The following RIMS1 variants were observed in gnomAD, a reference collection of about 807,000 sequenced individuals.
RIMS1 encodes regulating synaptic membrane exocytosis protein 1.
RIMS1 carries 83 observed loss-of-function variants against 214.1 expected under a neutral mutation model. That is an observed-to-expected ratio of 0.39 (90% CI 0.32 to 0.47). The LOEUF (loss-of-function observed/expected upper bound fraction) is 0.47. RIMS1 is among the 20% of genes least tolerant of loss of function. The probability of loss-of-function intolerance (pLI) is 0.99; values close to 1 mark genes in which losing one functional copy is unlikely to be tolerated. For missense variants in RIMS1, 2,050 were observed against 2,161.8 expected (o/e 0.95, Z 1.03); for synonymous variants, 793 against 786.8 (o/e 1.01, Z -0.13).
chr6:72,045,901 CTTTAA>C (rs527725663), intron 2 of RIMS1, among the ~76,000 whole-genome samples: 45 of 150,004 alleles, frequency 3.0e-4, no homozygotes, highest in Non-Finnish European at 5.5e-4. Context: ...AATTGAAACC[CTTTAA>C]TTTAAGATGT....
At position 71,945,222 on chromosome 6, in the gene RIMS1, C is replaced by G. The variant is rs959901254; in HGVS notation, c.165-23761C>G. 4.6e-5 allele frequency among the ~76,000 whole-genome samples: 7 copies of G among 152,014 alleles called. 1 individual carries two copies. The East Asian group carries it at 1.4e-3, about 29-fold the overall frequency. On this transcript the variant is annotated intron_variant, in intron 1 of 33. Transcript: ENST00000521978. ...AGCAGAGGACTGTGCCTCCCCAGTC[C>G]TGAAAGAATAAGGAGAAAGAATTCT...
intron 19 of RIMS1, chr6:72,263,558 A>G: frequency 1.0e-6 from 1 of 982,872 alleles, no homozygotes; most frequent in Non-Finnish European, 1.2e-6. Flanking sequence ...CCCATTCTTG[A>G]AAAAAAAATC....
chr6:72,372,962 A>C (rs1447152214), intron 29 of RIMS1, among the ~76,000 whole-genome samples: 1 of 152,224 alleles, frequency 6.6e-6, no homozygotes, highest in Non-Finnish European at 1.5e-5. Context: ...ATAATAAGAC[A>C]ATTCTTTTTT....
intron 6 of RIMS1, among the ~76,000 whole-genome samples, chr6:72,196,311 AT>A (rs1270863563): frequency 6.6e-6 from 1 of 151,964 alleles, no homozygotes; most frequent in Admixed American, 6.6e-5. Context: ...TAGCTAGTCA[AT>A]TGAAAATGCC....
chr6:72,071,557 A>C (rs933880096), intron 2 of RIMS1, among the ~76,000 whole-genome samples: 1 of 152,216 alleles, frequency 6.6e-6, no homozygotes, highest in African/African-American at 2.4e-5. Flanking sequence ...GTTTGCATAA[A>C]TAAAACAACC....
At position 72,245,820 on chromosome 6, in the gene RIMS1, T is replaced by C; in HGVS notation, c.2087T>C (p.Ile696Thr). 6.2e-7 allele frequency: 1 copy of C among 1,609,068 alleles called. No homozygotes were observed. ...EIIVSRPIGD[I>T]PRIPESSHPP... Reference sequence around the variant, plus strand: ...CCATATCCTGTTTCTTTTAGTGACATTCCCCGGATTCCTGAGAGCTCCCAC... The same window carrying C: ...CCATATCCTGTTTCTTTTAGTGACACTCCCCGGATTCCTGAGAGCTCCCAC... Residue 696 changes from isoleucine to threonine, a missense_variant, in exon 11 of 34, where the codon ATT becomes ACT. Physicochemically the swap from Ile to Thr is moderately conservative, Grantham distance 89. This residue lies in a region of RIMS1 where 111 missense variants were observed against 166.2 expected (regional missense o/e 0.67). Coordinates refer to ENST00000521978, the MANE Select transcript of RIMS1 (RefSeq NM_014989.7).
chr6:72,244,764 G>A (rs541313760), intron 10 of RIMS1, among the ~76,000 whole-genome samples: 4 of 151,908 alleles, frequency 2.6e-5, no homozygotes, highest in Non-Finnish European at 5.9e-5. Flanking sequence ...TTGGTTATGA[G>A]AATTACTTTG....
At chr6:72,264,546 CTT>C (rs964895762) in intron 19 of RIMS1, among the ~76,000 whole-genome samples, 17 of 152,208 alleles carry the variant, frequency 1.1e-4, no homozygotes, top group Admixed American at 6.5e-4. Context: ...CTAGTCAACA[CTT>C]TGTTTTGTTT....
At chr6:71,957,151 C>A (rs1344944415) in intron 1 of RIMS1, among the ~76,000 whole-genome samples, 1 of 152,064 alleles carries the variant, frequency 6.6e-6, no homozygotes, top group African/African-American at 2.4e-5. Flanking sequence ...TAACCAAAAA[C>A]TTCTCTAGAG....
chr6:71,948,301 T>C (rs2348797), intron 1 of RIMS1, among the ~76,000 whole-genome samples: 1,851 of 152,316 alleles, frequency 0.012, 10 homozygotes, highest in Non-Finnish European at 0.019. Context: ...GCTAGGATTA[T>C]GCTTCTCCAA....
chr6:72,358,973 G>A (rs1055381074), intron 29 of RIMS1, among the ~76,000 whole-genome samples: 1 of 152,080 alleles, frequency 6.6e-6, no homozygotes, highest in Non-Finnish European at 1.5e-5. Context: ...CCTCAAAGAG[G>A]CCACCTAAGG....
At chr6:71,952,580 T>C (rs539089914) in intron 1 of RIMS1, among the ~76,000 whole-genome samples, 2 of 152,284 alleles carry the variant, frequency 1.3e-5, no homozygotes, top group South Asian at 4.1e-4. Flanking sequence ...CTAGGGCAGG[T>C]TCCTACTGCG....
At chr6:72,281,802 G>A (rs1307409790) in intron 23 of RIMS1, among the ~76,000 whole-genome samples, 3 of 151,832 alleles carry the variant, frequency 2.0e-5, no homozygotes, top group Non-Finnish European at 4.4e-5. Flanking sequence ...ATATGCTCCT[G>A]CCCCTAAACT....
intron 29 of RIMS1, among the ~76,000 whole-genome samples, chr6:72,350,697 G>A (rs1289550668): frequency 6.6e-6 from 1 of 152,068 alleles, no homozygotes; most frequent in Non-Finnish European, 1.5e-5. Flanking sequence ...ACTCTTTATG[G>A]TACATAAGAA....
intron 6 of RIMS1, among the ~76,000 whole-genome samples, chr6:72,191,172 G>A (rs943484687): frequency 6.6e-6 from 1 of 152,144 alleles, no homozygotes; most frequent in African/African-American, 2.4e-5. Context: ...CAGCCTTTTG[G>A]GTCACCTGAT....
chr6:72,179,358 C>T (rs2048145599), intron 4 of RIMS1: 3 of 577,018 alleles, frequency 5.2e-6, no homozygotes, highest in Middle Eastern at 4.6e-4. Context: ...AAAACCTCTA[C>T]TCTGGCTGCT....
intron 2 of RIMS1, among the ~76,000 whole-genome samples, chr6:72,089,780 C>A (rs1275490283): frequency 7.6e-6 from 1 of 131,442 alleles, no homozygotes; most frequent in African/African-American, 2.6e-5. Flanking sequence ...AAATGTCCAA[C>A]AATGATAGAC....
At chr6:72,084,304 T>A (rs965855025) in intron 2 of RIMS1, among the ~76,000 whole-genome samples, 1 of 152,224 alleles carries the variant, frequency 6.6e-6, no homozygotes, top group Non-Finnish European at 1.5e-5. Flanking sequence ...TCTTAAAACT[T>A]ACTTCATTCC....
intron 29 of RIMS1, among the ~76,000 whole-genome samples, chr6:72,377,603 C>T (rs2098413386): frequency 6.6e-6 from 1 of 152,196 alleles, no homozygotes; most frequent in African/African-American, 2.4e-5. Context: ...GAAGGCCAAA[C>T]TGATACTATC....
Sources: gnomAD v4.1 joint callset for allele counts (sites outside exome capture counted in the v4.1 genomes callset) on GRCh38, gnomAD v4.1.1 for gene constraint, gnomAD v4.1.1 regional missense constraint, MANE v1.5 for transcripts, NCBI Gene and HGNC (gene_info 2026-07-23, HGNC 2026-07-21) for gene names.